The following COG5 variants were observed in gnomAD, a reference collection of about 807,000 sequenced individuals.
COG5 encodes the protein component of oligomeric golgi complex 5, also known as conserved oligomeric Golgi complex subunit 5.
A neutral mutation model predicts 110.4 loss-of-function variants in COG5; 86 were observed. The ratio of observed to expected loss-of-function variants is 0.78; its 90% CI spans 0.65 to 0.93. The LOEUF (loss-of-function observed/expected upper bound fraction) is 0.93, where lower values mean the gene tolerates loss of function less well. COG5 is among the 40% of genes least tolerant of loss of function. The pLI, the probability that COG5 is intolerant of heterozygous loss-of-function variation, is 0.00. For synonymous variants in COG5, 360 were observed against 334.6 expected, an observed-to-expected ratio of 1.08 and a Z score of -0.83; for missense variants, 1,077 against 987.0, an observed-to-expected ratio of 1.09 and a Z score of -1.22.
At chr7:107,440,892 AAAC>A (rs1255324231) in intron 6 of COG5, among the ~76,000 whole-genome samples, 1 of 152,098 alleles carries the variant, frequency 6.6e-6, no homozygotes, top group Non-Finnish European at 1.5e-5. Context: ...CTTTATTTTA[AAAC>A]AACAACAACA....
intron 6 of COG5, among the ~76,000 whole-genome samples, chr7:107,512,261 CAGAG>C (rs886531603): frequency 6.6e-6 from 1 of 152,102 alleles, no homozygotes; most frequent in Non-Finnish European, 1.5e-5. Context: ...AACAGACAAA[CAGAG>C]AGCCAAATCA....
At chr7:107,441,316 T>C (rs1794695714) in intron 6 of COG5, among the ~76,000 whole-genome samples, 2 of 149,770 alleles carry the variant, frequency 1.3e-5, no homozygotes. Context: ...GGGAAACCCC[T>C]TAATCTACAG....
chr7:107,312,567 T>C (rs929935855), intron 11 of COG5, among the ~76,000 whole-genome samples: 1 of 152,102 alleles, frequency 6.6e-6, no homozygotes, highest in Admixed American at 6.6e-5. Context: ...GTTACAGAGA[T>C]GATGGGGAGG....
At position 107,389,858 on chromosome 7, in the gene COG5, C is replaced by T. The variant is rs1012886912; in HGVS notation, c.670-17098G>A. On this transcript the variant is annotated intron_variant, in intron 7 of 21. Coordinates refer to ENST00000297135, the MANE Select transcript of COG5 (RefSeq NM_006348.5). ...GGCACCTCCCTTAACACCTGGCATG[C>T]GACATATCATAATTCCAGTAATGAC... Among the ~76,000 whole-genome samples, 8 of 152,110 alleles carry T rather than the reference C, an allele frequency of 5.3e-5. No individual in the cohort carries two copies. The East Asian group carries it at 7.7e-4, about 15-fold the overall frequency.
chr7:107,475,134 A>G (rs1478798572), intron 6 of COG5: 1 of 1,610,410 alleles, frequency 6.2e-7, no homozygotes, highest in Non-Finnish European at 8.5e-7. Context: ...TGGCTTATGG[A>G]ACAACTATAT....
chr7:107,554,706 C>A (rs530602139), intron 2 of COG5, among the ~76,000 whole-genome samples: 4 of 152,274 alleles, frequency 2.6e-5, no homozygotes, highest in Admixed American at 2.0e-4. Flanking sequence ...CTGGTGAGAA[C>A]CCATTCCTTA....
intron 5 of COG5, among the ~76,000 whole-genome samples, chr7:107,528,520 G>A (rs1339610006): frequency 6.6e-6 from 1 of 152,096 alleles, no homozygotes; most frequent in African/African-American, 2.4e-5. Flanking sequence ...AGAAATAAAG[G>A]TTCATGTATT....
chr7:107,304,239 T>C (rs1392933811), intron 11 of COG5, among the ~76,000 whole-genome samples: 1 of 152,142 alleles, frequency 6.6e-6, no homozygotes, highest in Non-Finnish European at 1.5e-5. Context: ...CACATGAAGA[T>C]TAAAGGATAT....
chr7:107,563,057 C>T (rs1296608994), intron 1 of COG5, among the ~76,000 whole-genome samples: 1 of 152,110 alleles, frequency 6.6e-6, no homozygotes, highest in East Asian at 1.9e-4. Context: ...TATTTTTATG[C>T]TTATAAATGT....
At chr7:107,269,351 T>G (rs1804060791) in intron 14 of COG5, among the ~76,000 whole-genome samples, 1 of 151,892 alleles carries the variant, frequency 6.6e-6, no homozygotes, top group African/African-American at 2.4e-5. Context: ...GGCGGACGCC[T>G]GTAGTCCCAG....
chr7:107,451,235 G>A (rs1290568974), intron 6 of COG5, among the ~76,000 whole-genome samples: 2 of 152,118 alleles, frequency 1.3e-5, no homozygotes, highest in Admixed American at 1.3e-4. Context: ...AACCATGAAA[G>A]AGATCATAGA....
intron 10 of COG5, among the ~76,000 whole-genome samples, chr7:107,328,020 AGAT>A (rs1809918364): frequency 6.6e-6 from 1 of 152,348 alleles, no homozygotes; most frequent in African/African-American, 2.4e-5. Context: ...AAAAGCCAAG[AGAT>A]GATAACAACC....
chr7:107,238,571 T>A (rs1251096769), intron 17 of COG5, among the ~76,000 whole-genome samples: 1 of 152,208 alleles, frequency 6.6e-6, no homozygotes, highest in Non-Finnish European at 1.5e-5. Flanking sequence ...TTGAGAAACG[T>A]CCTTACAGTT....
rs550950273 is a variant in COG5 at position 107,508,569 on chromosome 7, G to A, written c.538+18668C>T. Among the ~76,000 whole-genome samples, 16 of 152,310 alleles carry A rather than the reference G, an allele frequency of 1.1e-4. No homozygotes were observed. In the South Asian group the frequency reaches 2.5e-3, roughly 24 times the overall value. ...CTACGCAGCTGGAGATCTGAGAATGGGCAGACTGCCTCCTCAAGTGGGTCC... is the reference window on the plus strand; with the variant it reads ...CTACGCAGCTGGAGATCTGAGAATGAGCAGACTGCCTCCTCAAGTGGGTCC... On this transcript the variant is annotated intron_variant, in intron 6 of 21. Coordinates refer to ENST00000297135, the MANE Select transcript of COG5 (RefSeq NM_006348.5).
chr7:107,299,097 T>C (rs921754893), intron 11 of COG5, among the ~76,000 whole-genome samples: 2 of 152,038 alleles, frequency 1.3e-5, no homozygotes, highest in African/African-American at 4.8e-5. Context: ...TTCAAATCAA[T>C]GACCTAAACT....
At chr7:107,232,276 C>T (rs976383256) in intron 18 of COG5, among the ~76,000 whole-genome samples, 4 of 152,272 alleles carry the variant, frequency 2.6e-5, no homozygotes, top group African/African-American at 9.6e-5. Context: ...TTCTTTGGAA[C>T]CTGTTTCATT....
At chr7:107,502,675 A>G (rs1191816818) in intron 6 of COG5, among the ~76,000 whole-genome samples, 1 of 151,842 alleles carries the variant, frequency 6.6e-6, no homozygotes, top group Non-Finnish European at 1.5e-5. Flanking sequence ...ACAAACATCT[A>G]TTGTATTTTG....
chr7:107,337,963 C>A (rs1371110543), intron 10 of COG5, among the ~76,000 whole-genome samples: 2 of 152,064 alleles, frequency 1.3e-5, no homozygotes, highest in African/African-American at 4.8e-5. Flanking sequence ...AAACCAGTAT[C>A]CTCAGAATTG....
intron 11 of COG5, among the ~76,000 whole-genome samples, chr7:107,306,414 T>C (rs1171899641): frequency 6.6e-6 from 1 of 152,184 alleles, no homozygotes; most frequent in Non-Finnish European, 1.5e-5. Context: ...TAATTTTCTT[T>C]AATTATAGTT....
Sources: allele counts gnomAD v4.1 joint callset (sites outside exome capture counted in the v4.1 genomes callset), GRCh38; gene constraint gnomAD v4.1.1; transcripts MANE v1.5; gene names NCBI Gene and HGNC (gene_info 2026-07-23, HGNC 2026-07-21).